The following SIPA1L1 variants were observed in gnomAD, a reference collection of about 807,000 sequenced individuals.
SIPA1L1 encodes signal induced proliferation associated 1 like 1.
Under a neutral mutation model 162.7 loss-of-function variants are expected in SIPA1L1, and 26 were observed. That is an observed-to-expected ratio of 0.16 (90% confidence interval 0.12 to 0.22). The LOEUF is 0.22. Ranked by LOEUF, SIPA1L1 falls within the 10% of genes least tolerant of loss-of-function variation. The pLI, the probability that SIPA1L1 is intolerant of heterozygous loss-of-function variation, is 1.00. For missense variants in SIPA1L1, 1,874 were observed against 2,241.0 expected (o/e 0.84, Z 3.31); for synonymous variants, 829 against 837.4 (o/e 0.99, Z 0.17).
At chr14:71,511,597 T>C (rs1377315167) in intron 2 of SIPA1L1, among the ~76,000 whole-genome samples, 1 of 152,158 alleles carries the variant, frequency 6.6e-6, no homozygotes, top group Non-Finnish European at 1.5e-5. Context: ...CAGGAGCATC[T>C]TTTGTTACAG....
intron 17 of SIPA1L1, among the ~76,000 whole-genome samples, chr14:71,718,710 A>G (rs983984141): frequency 1.3e-5 from 2 of 152,228 alleles, no homozygotes; most frequent in Non-Finnish European, 2.9e-5. Context: ...GGGACTTTAT[A>G]TAATATAAAT....
At chr14:71,499,811 C>CT (rs1447388546) in intron 2 of SIPA1L1, among the ~76,000 whole-genome samples, 3 of 152,040 alleles carry the variant, frequency 2.0e-5, no homozygotes, top group African/African-American at 7.2e-5. Context: ...CAAAACCTGT[C>CT]TTTAAGAGCC....
chr14:71,528,015 G>C (rs2053060163), intron 3 of SIPA1L1, among the ~76,000 whole-genome samples: 1 of 152,180 alleles, frequency 6.6e-6, no homozygotes, highest in Non-Finnish European at 1.5e-5. Flanking sequence ...GGTCCCCAGA[G>C]TAGTTGGGAT....
chr14:71,725,307 T>G (rs1447001209), intron 19 of SIPA1L1, among the ~76,000 whole-genome samples: 2 of 152,228 alleles, frequency 1.3e-5, no homozygotes, highest in African/African-American at 4.8e-5. Context: ...TTCTCTTCAC[T>G]CAGAGAAACT....
At chr14:71,354,679 C>T (rs549883769) in intron 2 of SIPA1L1, among the ~76,000 whole-genome samples, 2 of 151,990 alleles carry the variant, frequency 1.3e-5, no homozygotes, top group South Asian at 2.1e-4. Flanking sequence ...TGAGAGTCAT[C>T]GTAGTAACTA....
At chr14:71,702,076 A>T (rs2082133776) in intron 14 of SIPA1L1, among the ~76,000 whole-genome samples, 1 of 152,218 alleles carries the variant, frequency 6.6e-6, no homozygotes, top group Non-Finnish European at 1.5e-5. Context: ...ACGAGGGCTT[A>T]GAAAATTTTG....
intron 3 of SIPA1L1, among the ~76,000 whole-genome samples, chr14:71,514,116 A>G (rs894132295): frequency 4.6e-5 from 7 of 152,244 alleles, no homozygotes; most frequent in African/African-American, 1.7e-4. Context: ...GAGCAGGAAC[A>G]AAAGGAGAGA....
At chr14:71,732,789 C>G (rs1359717748) in intron 20 of SIPA1L1, among the ~76,000 whole-genome samples, 1 of 152,198 alleles carries the variant, frequency 6.6e-6, no homozygotes, top group East Asian at 1.9e-4. Flanking sequence ...CCAGCACACT[C>G]ACATCCCTTG....
intron 14 of SIPA1L1, 45 bp from the exon 15 acceptor site, chr14:71,702,336 G>A (rs1169174039): frequency 6.2e-7 from 1 of 1,608,522 alleles, no homozygotes; most frequent in Non-Finnish European, 8.5e-7. Flanking sequence ...CCCCTCATGG[G>A]TAAGGTCCCT....
intron 2 of SIPA1L1, among the ~76,000 whole-genome samples, chr14:71,392,460 T>G (rs1595187971): frequency 6.6e-6 from 1 of 152,348 alleles, no homozygotes; most frequent in Non-Finnish European, 1.5e-5. Flanking sequence ...AGCTTAAAAG[T>G]TAACATCTGT....
At chr14:71,428,275 GC>G (rs1294992470) in intron 2 of SIPA1L1, among the ~76,000 whole-genome samples, 2 of 151,860 alleles carry the variant, frequency 1.3e-5, no homozygotes, top group African/African-American at 4.8e-5. Flanking sequence ...GGGATTACAG[GC>G]ATGAGCAACC....
At chr14:71,695,190 A>G (rs139735679) in intron 13 of SIPA1L1, among the ~76,000 whole-genome samples, 2 of 152,368 alleles carry the variant, frequency 1.3e-5, no homozygotes, top group African/African-American at 4.8e-5. Flanking sequence ...TCATCAGAAT[A>G]AGGGCTAATT....
At position 71,506,392 on chromosome 14, in the gene SIPA1L1, G is replaced by A. The variant is rs137878084; in HGVS notation, c.-464-6351G>A. On this transcript the variant is annotated intron_variant, in intron 2 of 23. Coordinates refer to ENST00000381232, the MANE Select transcript of SIPA1L1 (RefSeq NM_001386936.1). ...TTTTGCTCTTTTTGCCTAGGATGGA[G>A]TGCAGTGGCGTGATCTCGGCTCACT... 2.7e-4 allele frequency among the ~76,000 whole-genome samples: 41 copies of A among 152,266 alleles called. No homozygotes were observed. The East Asian group carries it at 7.5e-3, about 28-fold the overall frequency.
chr14:71,380,888 C>T (rs995046598), intron 2 of SIPA1L1, among the ~76,000 whole-genome samples: 8 of 152,134 alleles, frequency 5.3e-5, no homozygotes, highest in Non-Finnish European at 1.2e-4. Flanking sequence ...CACTTATATG[C>T]TGCCCATGTA....
intron 2 of SIPA1L1, among the ~76,000 whole-genome samples, chr14:71,437,122 C>G (rs2044448566): frequency 6.6e-6 from 1 of 151,980 alleles, no homozygotes; most frequent in Non-Finnish European, 1.5e-5. Flanking sequence ...GTTAAATTTA[C>G]TTATTAATTT....
At position 71,515,215 on chromosome 14, in the gene SIPA1L1, CT is replaced by C. The variant is rs2051587900; in HGVS notation, c.-362+2373del. 2.0e-5 allele frequency among the ~76,000 whole-genome samples: 3 copies of C among 152,334 alleles called. No individual in the cohort carries two copies. The South Asian group carries it at 6.2e-4, about 32-fold the overall frequency. ...ACTGTAGAGAGGAAAGCAAACATTG[CT>C]TTCTGATTTATTCAGAGTGCTCTGA... is the stretch of plus-strand genomic sequence containing the variant. On this transcript the variant is annotated intron_variant, in intron 3 of 23. Transcript: ENST00000381232.
chr14:71,540,703 T>C (rs2054300642), intron 4 of SIPA1L1, among the ~76,000 whole-genome samples: 2 of 152,108 alleles, frequency 1.3e-5, no homozygotes, highest in African/African-American at 4.8e-5. Flanking sequence ...GAACAGAATT[T>C]TCCTCCTCCA....
intron 4 of SIPA1L1, among the ~76,000 whole-genome samples, chr14:71,577,973 C>T (rs1282738176): frequency 2.0e-5 from 3 of 152,170 alleles, no homozygotes; most frequent in East Asian, 3.9e-4. Context: ...TGCAGTGGTG[C>T]GATCTCGCCT....
chr14:71,559,629 T>C (rs981525947), intron 4 of SIPA1L1, among the ~76,000 whole-genome samples: 1 of 152,214 alleles, frequency 6.6e-6, no homozygotes, highest in Non-Finnish European at 1.5e-5. Flanking sequence ...AAAAGAACAA[T>C]TGTTTTTAAA....
Sources: gnomAD v4.1 joint callset for allele counts (sites outside exome capture counted in the v4.1 genomes callset) on GRCh38, gnomAD v4.1.1 for gene constraint, MANE v1.5 for transcripts, NCBI Gene and HGNC (gene_info 2026-07-23, HGNC 2026-07-21) for gene names.